The following PKNOX1 variants were observed in gnomAD, a reference collection of about 807,000 sequenced individuals.
PKNOX1 encodes PBX/knotted 1 homeobox 1.
PKNOX1 carries 15 observed loss-of-function variants against 51.9 expected under a neutral mutation model. That is an observed-to-expected ratio of 0.29 (90% CI 0.19 to 0.45). PKNOX1 has a LOEUF of 0.45. PKNOX1 is among the 20% of genes least tolerant of loss of function. The pLI, the probability that PKNOX1 is intolerant of heterozygous loss-of-function variation, is 1.00. For missense variants in PKNOX1, 462 were observed against 547.5 expected (o/e 0.84, Z 1.56); for synonymous variants, 219 against 211.1 (o/e 1.04, Z -0.32).
intron 5 of PKNOX1, among the ~76,000 whole-genome samples, chr21:43,013,784 G>A (rs568100943): frequency 1.3e-5 from 2 of 152,170 alleles, no homozygotes; most frequent in Admixed American, 6.5e-5. Flanking sequence ...CATGTTAAGC[G>A]GAATCGTACA....
intron 4 of PKNOX1, 27 bp downstream of exon 4, chr21:43,010,251 T>A: frequency 1.5e-6 from 2 of 1,309,474 alleles, no homozygotes; most frequent in Non-Finnish European, 2.1e-6. Context: ...TTATTTTTAG[T>A]TTTCAAAATG....
In PKNOX1 at chr21:43,032,963, G is replaced by T. The variant is rs929052273; in HGVS notation, c.*2862G>T. On this transcript the variant is annotated 3_prime_UTR_variant, in exon 11 of 11. Coordinates refer to ENST00000291547, the MANE Select transcript of PKNOX1 (RefSeq NM_004571.5). Reference sequence around the variant, plus strand: ...TTCTCCAGCCCTTGGACAGTGGAGAGAATCTGTAAAAGTGTGACCCCCTCT... The same window carrying T: ...TTCTCCAGCCCTTGGACAGTGGAGATAATCTGTAAAAGTGTGACCCCCTCT... 1 of 152,230 alleles carries T rather than the reference G, an allele frequency of 6.6e-6. No homozygotes were observed. The highest frequency in any genetic ancestry group is 2.4e-5 in the African/African-American group (1 of 41,446). 9.4% of individuals were successfully genotyped at this position (152,230 alleles called of 1,614,324 possible).
chr21:43,021,259 G>A lies in PKNOX1; in HGVS notation c.721-44G>A. 6.6e-7 allele frequency: 1 copy of A among 1,526,490 alleles called. No homozygotes were observed. Among genetic ancestry groups the A allele is most frequent in the Non-Finnish European group, 8.9e-7 (1 of 1,119,576 alleles). The allele number at this position is 1,526,490 out of a possible 1,614,324, so 94.6% of individuals were successfully genotyped here. On this transcript the variant is annotated intron_variant, in intron 7 of 10. Transcript: ENST00000291547. The surrounding 1 kb of genome is among the most constrained non-coding windows in gnomAD (Gnocchi z 4.6). ...TGCAGTTGTAAGTACTTGGATATGTGAGAATTTCCTATGCTTTCTAATGTT... is the reference window on the plus strand; with the variant it reads ...TGCAGTTGTAAGTACTTGGATATGTAAGAATTTCCTATGCTTTCTAATGTT...
At position 43,032,225 on chromosome 21, in the gene PKNOX1, CAA is replaced by C; in HGVS notation, c.*2125_*2126del. ...TGAACTGTCTTCTCATATTTTAAGT[CAA>C]GTCTATAAGATCATTTTTAACCTAA... On this transcript the variant is annotated 3_prime_UTR_variant, in exon 11 of 11. Coordinates refer to ENST00000291547, the MANE Select transcript of PKNOX1 (RefSeq NM_004571.5). 2.3e-6 allele frequency: 1 copy of C among 436,600 alleles called. No individual in the cohort carries two copies. The highest frequency in any genetic ancestry group is 4.6e-6 in the Non-Finnish European group (1 of 216,736). The allele number at this position is 436,600 out of a possible 1,614,324, so 27.0% of individuals were successfully genotyped here. A position where few individuals can be genotyped will look rare whatever the true frequency, so the allele number is the denominator to read the frequency against.
At chr21:42,983,643 T>C (rs561873807) in intron 1 of PKNOX1, among the ~76,000 whole-genome samples, 5 of 152,266 alleles carry the variant, frequency 3.3e-5, no homozygotes, top group Non-Finnish European at 7.3e-5. Flanking sequence ...TTTTTGGATA[T>C]AGATCTAGAA....
chr21:43,000,395 G>A (rs1978696616), intron 1 of PKNOX1, among the ~76,000 whole-genome samples: 1 of 152,202 alleles, frequency 6.6e-6, no homozygotes, highest in Admixed American at 6.5e-5. Flanking sequence ...GGAAGGCAAG[G>A]AAAAGCAAAT....
intron 3 of PKNOX1, 108 bp downstream of exon 3, chr21:43,007,726 A>G (rs2146266389): frequency 1.6e-6 from 2 of 1,249,030 alleles, no homozygotes; most frequent in Non-Finnish European, 2.3e-6. Flanking sequence ...GTGAGGTGCC[A>G]TTATGATGTG....
In PKNOX1 at chr21:43,017,035, C is replaced by T. The variant is rs748071361; in HGVS notation, c.622+28C>T. 27 of 1,462,662 alleles carry T rather than the reference C, an allele frequency of 1.8e-5. No individual in the cohort carries two copies. The Admixed American group carries it at 2.2e-4, about 12-fold the overall frequency. 90.6% of individuals were successfully genotyped at this position (1,462,662 alleles called of 1,614,324 possible). On this transcript the variant is annotated intron_variant, in intron 6 of 10. Coordinates refer to ENST00000291547, the MANE Select transcript of PKNOX1 (RefSeq NM_004571.5). ...ACGATGACAGAAAAATGGACACACT[C>T]TCCATGAGTTTTTGCAGAAAATGGT... is the stretch of plus-strand genomic sequence containing the variant.
At position 43,030,674 on chromosome 21, in the gene PKNOX1, TA is replaced by T. The variant is rs955114693; in HGVS notation, c.*574del. The T allele has an allele frequency of 1.3e-5, 2 of 152,654 alleles. No homozygotes were observed. Among genetic ancestry groups the T allele is most frequent in the African/African-American group, 4.8e-5 (2 of 41,446 alleles). 9.5% of individuals were successfully genotyped at this position (152,654 alleles called of 1,614,324 possible). ...ATATAGAAAAAGAAACTCCTATTTT[TA>T]CCTTGCTGGAATTATTGGATAAAAA... On this transcript the variant is annotated 3_prime_UTR_variant, in exon 11 of 11. Transcript: ENST00000291547.
chr21:43,024,077 A>T (rs1979883863), intron 8 of PKNOX1, among the ~76,000 whole-genome samples: 1 of 152,186 alleles, frequency 6.6e-6, no homozygotes, highest in South Asian at 2.1e-4. Flanking sequence ...AATCATACAT[A>T]AAAGAAGAAT....
intron 1 of PKNOX1, among the ~76,000 whole-genome samples, chr21:42,975,921 C>A (rs972889032): frequency 6.6e-6 from 1 of 152,236 alleles, no homozygotes; most frequent in African/African-American, 2.4e-5. Flanking sequence ...AATAGGCTTT[C>A]TCTAAACATA....
Position 43,024,913 on chromosome 21 carries a change from C to T in PKNOX1, c.892C>T (p.Gln298Ter). Residue 298 changes from glutamine (Q) to a stop codon, truncating the protein, a stop_gained, in exon 9 of 11, where the codon CAG (glutamine) becomes TAG (stop). Coordinates refer to ENST00000291547, the MANE Select transcript of PKNOX1 (RefSeq NM_004571.5). LOFTEE classifies it high-confidence loss of function. Reference protein sequence around the residue: ...TEDEKKQIAAQTNLTLLQVNN... With the variant: ...TEDEKKQIAA ...GGATGAGAAAAAACAGATTGCTGCT[C>T]AGACAAATTTGACACTACTCCAAGT... is the stretch of plus-strand genomic sequence containing the variant. The T allele has an allele frequency of 6.2e-7, 1 of 1,612,800 alleles. No homozygotes were observed. The highest frequency in any genetic ancestry group is 8.5e-7 in the Non-Finnish European group (1 of 1,178,856).
At chr21:42,981,562 A>AATTTT (rs2059026101) in intron 1 of PKNOX1, among the ~76,000 whole-genome samples, 1 of 140,624 alleles carries the variant, frequency 7.1e-6, no homozygotes, top group African/African-American at 2.5e-5. Context: ...ATTTAATTTT[A>AATTTT]ATTTTATTTT....
intron 4 of PKNOX1, among the ~76,000 whole-genome samples, chr21:43,011,703 A>C (rs1376320364): frequency 6.6e-6 from 1 of 152,230 alleles, no homozygotes; most frequent in Non-Finnish European, 1.5e-5. Context: ...GGCCTTCAAC[A>C]GAAAAGGTTT....
intron 1 of PKNOX1, among the ~76,000 whole-genome samples, chr21:42,999,643 GC>G (rs1978659474): frequency 6.6e-6 from 1 of 151,996 alleles, no homozygotes; most frequent in Non-Finnish European, 1.5e-5. Flanking sequence ...ACCAAGCCCG[GC>G]TAATTTTCGT....
chr21:42,990,513 A>AG (rs2059081403), intron 1 of PKNOX1, among the ~76,000 whole-genome samples: 1 of 152,274 alleles, frequency 6.6e-6, no homozygotes, highest in Admixed American at 6.5e-5. Context: ...CCTGTGGAGT[A>AG]GGGAAGGGGC....
chr21:42,984,160 G>C (rs558001521), intron 1 of PKNOX1, among the ~76,000 whole-genome samples: 14 of 152,062 alleles, frequency 9.2e-5, no homozygotes, highest in African/African-American at 3.4e-4. Flanking sequence ...TCCAACTCCT[G>C]GGCTCAAGTA....
Position 43,030,285 on chromosome 21 carries a change from G to A in PKNOX1, c.*184G>A. 2.3e-6 allele frequency: 1 copy of A among 438,860 alleles called. No homozygotes were observed. The highest frequency in any genetic ancestry group is 4.1e-6 in the Non-Finnish European group (1 of 245,060). The allele number at this position is 438,860 out of a possible 1,614,324, so 27.2% of individuals were successfully genotyped here. On this transcript the variant is annotated 3_prime_UTR_variant, in exon 11 of 11. Coordinates refer to ENST00000291547, the MANE Select transcript of PKNOX1 (RefSeq NM_004571.5). The stretch of plus-strand genomic sequence containing the variant: ...AGTGTGTGTGTGTGTGTGTGTGTGT[G>A]TGTGTGTGCGTGTGTGCGTGTGTGT...
In PKNOX1 at chr21:42,996,377, A is replaced by G. The variant is rs149220304; in HGVS notation, c.-56-7949A>G. Among the ~76,000 whole-genome samples the G allele has an allele frequency of 2.8e-3, 424 of 152,288 alleles. 1 individual carries two copies. The highest frequency in any genetic ancestry group is 9.2e-3 in the African/African-American group (383 of 41,580). ...CAGGGGGTTCTGGCTGAACTGACCT[A>G]ACAGGATTCTTGTGGAAGGCCGCTA... On this transcript the variant is annotated intron_variant, in intron 1 of 10. Coordinates refer to ENST00000291547, the MANE Select transcript of PKNOX1 (RefSeq NM_004571.5).
Sources: gnomAD v4.1 joint callset for allele counts (sites outside exome capture counted in the v4.1 genomes callset) on GRCh38, gnomAD v4.1.1 for gene constraint, Gnocchi (gnomAD v3.1) non-coding constraint, MANE v1.5 for transcripts, NCBI Gene and HGNC (gene_info 2026-07-23, HGNC 2026-07-21) for gene names.